Variants in RPGRIP1L observed in about 807,000 individuals in gnomAD.
RPGRIP1L encodes RPGRIP1 like.
In RPGRIP1L, 131 loss-of-function variants were observed where a neutral mutation model predicts 160.4. That is an observed-to-expected ratio of 0.82 (90% CI 0.71 to 0.94). RPGRIP1L has a LOEUF of 0.94. Among genes scored for constraint, RPGRIP1L ranks in the 40% least tolerant of loss-of-function variants. The pLI, the probability that RPGRIP1L is intolerant of heterozygous loss-of-function variation, is 0.00. For synonymous variants in RPGRIP1L, 510 were observed against 515.8 expected (o/e 0.99, Z 0.15); for missense variants, 1,522 against 1,535.8 (o/e 0.99, Z 0.15).
At chr16:53,682,009 T>G (rs1335679207) in intron 6 of RPGRIP1L, among the ~76,000 whole-genome samples, 1 of 152,208 alleles carries the variant, frequency 6.6e-6, no homozygotes, top group Non-Finnish European at 1.5e-5. Context: ...TTTTTTTCAA[T>G]AGTTTTCCAT....
chr16:53,615,474 T>TATA (rs66497510), intron 24 of RPGRIP1L, among the ~76,000 whole-genome samples: 1 of 74,034 alleles, frequency 1.4e-5, no homozygotes, highest in African/African-American at 3.4e-5. Context: ...ATATATATAT[T>TATA]TTTTTTTTTT....
chr16:53,612,297 C>T (rs1205179634), intron 24 of RPGRIP1L, among the ~76,000 whole-genome samples: 1 of 152,072 alleles, frequency 6.6e-6, no homozygotes, highest in Non-Finnish European at 1.5e-5. Flanking sequence ...TGCATGAAAC[C>T]ATATTAGTAA....
chr16:53,627,323 T>A (rs1279077186), intron 22 of RPGRIP1L, among the ~76,000 whole-genome samples: 1 of 152,234 alleles, frequency 6.6e-6, no homozygotes, highest in African/African-American at 2.4e-5. Context: ...GTGAGCTTAA[T>A]TTTATTCCAA....
chr16:53,602,420 C>T (rs538808828), intron 26 of RPGRIP1L, among the ~76,000 whole-genome samples: 117 of 152,096 alleles, frequency 7.7e-4, no homozygotes, highest in Non-Finnish European at 1.4e-3. Context: ...AACTAATAAG[C>T]TAATCCTGAA....
intron 22 of RPGRIP1L, among the ~76,000 whole-genome samples, chr16:53,629,868 CA>C (rs1286755841): frequency 6.6e-6 from 1 of 152,152 alleles, no homozygotes; most frequent in Non-Finnish European, 1.5e-5. Flanking sequence ...GTTCCAATAA[CA>C]GTAGAGGGCT....
Position 53,695,733 on chromosome 16 carries a change from T to C in RPGRIP1L, c.230+418A>G, listed in dbSNP as rs551488128. On this transcript the variant is annotated intron_variant, in intron 3 of 26. Coordinates refer to ENST00000647211, the MANE Select transcript of RPGRIP1L (RefSeq NM_015272.5). Reference sequence around the variant, plus strand: ...AAATATGTTCCAGAGACTGAAGTGATGTTTTCATTAGTAAACCCCAAATCT... The same window carrying C: ...AAATATGTTCCAGAGACTGAAGTGACGTTTTCATTAGTAAACCCCAAATCT... 1.1e-5 allele frequency: 4 copies of C among 372,868 alleles called. No individual in the cohort carries two copies. In the East Asian group the frequency reaches 1.5e-4, roughly 14 times the overall value. 23.1% of individuals were successfully genotyped at this position (372,868 alleles called of 1,614,324 possible).
rs750925640 is a variant in RPGRIP1L at position 53,619,105 on chromosome 16, T to C, written c.3536A>G (p.Tyr1179Cys). ...IQRLFVECRF[Y>C]SLPAEETPVS... Reference sequence around the variant, plus strand: ...GGGTGTCTCTTCAGCAGGAAGACTGTAGAATCGACACTCAACAAACAGCCG... The same window carrying C: ...GGGTGTCTCTTCAGCAGGAAGACTGCAGAATCGACACTCAACAAACAGCCG... The change falls in exon 24 of 27, where the codon TAC becomes TGC. Residue 1179 changes from tyrosine (Y) to cysteine (C), a missense_variant. Transcript: ENST00000647211. 1 of 1,614,068 alleles carries C rather than the reference T, an allele frequency of 6.2e-7. No individual in the cohort carries two copies. Among genetic ancestry groups the C allele is most frequent in the Admixed American group, 1.7e-5 (1 of 60,024 alleles).
intron 23 of RPGRIP1L, among the ~76,000 whole-genome samples, chr16:53,621,451 A>C (rs913370414): frequency 1.6e-4 from 20 of 126,630 alleles, no homozygotes; most frequent in African/African-American, 5.9e-4. Flanking sequence ...TTTTTTTTGG[A>C]TCTCTACACT....
At chr16:53,625,479 G>C (rs1259349957) in intron 22 of RPGRIP1L, among the ~76,000 whole-genome samples, 2 of 146,526 alleles carry the variant, frequency 1.4e-5, no homozygotes, top group African/African-American at 2.6e-5. Flanking sequence ...GGGGGCTGGG[G>C]GGGGCGCGCC....
chr16:53,680,977 G>GTTC, intron 6 of RPGRIP1L, among the ~76,000 whole-genome samples: 1 of 152,304 alleles, frequency 6.6e-6, no homozygotes, highest in South Asian at 2.1e-4. Context: ...ATATGCTAAG[G>GTTC]GGTGAAAGGT....
chr16:53,696,099 C>T, intron 3 of RPGRIP1L, 52 bp downstream of exon 3: 1 of 1,560,580 alleles, frequency 6.4e-7, no homozygotes, highest in Non-Finnish European at 8.8e-7. Flanking sequence ...AATACCATAC[C>T]CTCCAAATTT....
chr16:53,633,024 A>G (rs569723172), intron 22 of RPGRIP1L, among the ~76,000 whole-genome samples: 1 of 152,310 alleles, frequency 6.6e-6, no homozygotes, highest in Non-Finnish European at 1.5e-5. Context: ...TGCCTGACAC[A>G]CGATGGATGC....
intron 3 of RPGRIP1L, chr16:53,695,744 G>C (rs1332472867): frequency 5.6e-6 from 2 of 358,958 alleles, no homozygotes; most frequent in Non-Finnish European, 5.0e-6. Flanking sequence ...GTTTTCATTA[G>C]TAAACCCCAA....
intron 9 of RPGRIP1L, among the ~76,000 whole-genome samples, chr16:53,666,558 G>A (rs1459651616): frequency 7.1e-6 from 1 of 140,592 alleles, no homozygotes; most frequent in Non-Finnish European, 1.5e-5. Context: ...ATGAATGTGA[G>A]TACATCTATG....
chr16:53,690,678 C>CCCAGTT (rs1356701308), intron 4 of RPGRIP1L, among the ~76,000 whole-genome samples: 4 of 152,114 alleles, frequency 2.6e-5, no homozygotes. Context: ...GATCATCTTG[C>CCCAGTT]CCAGTTCCAG....
chr16:53,623,317 GGACT>G (rs1205587979), intron 22 of RPGRIP1L, among the ~76,000 whole-genome samples: 2 of 152,052 alleles, frequency 1.3e-5, no homozygotes, highest in African/African-American at 4.8e-5. Context: ...GTGACAGTAG[GGACT>G]ATTAGATTGC....
rs386833998 is a variant in RPGRIP1L, at chr16:53,686,482, TTTCA to T, written c.723_726del (p.Asn241LysfsTer25). 9 of 1,613,658 alleles carry T rather than the reference TTTCA, an allele frequency of 5.6e-6. No individual in the cohort carries two copies. Among genetic ancestry groups the T allele is most frequent in the Non-Finnish European group, 7.6e-6 (9 of 1,179,762 alleles). On this transcript the variant is annotated frameshift_variant, in exon 6 of 27. Coordinates refer to ENST00000647211, the MANE Select transcript of RPGRIP1L (RefSeq NM_015272.5). LOFTEE classifies it high-confidence loss of function. Reference sequence around the variant, plus strand: ...CGAAGCTGAAGAAGAGATAACTCAATTTCATTTTCTTTTCTCCTCAACTGAGTTT... The same window carrying T: ...CGAAGCTGAAGAAGAGATAACTCAATTTTTCTTTTCTCCTCAACTGAGTTT...
At position 53,598,914 on chromosome 16, in the gene RPGRIP1L, A is replaced by G. The variant is rs1479849946; in HGVS notation, c.*3162T>C. 6.6e-6 allele frequency: 1 copy of G among 152,196 alleles called. No homozygotes were observed. Among genetic ancestry groups the G allele is most frequent in the Non-Finnish European group, 1.5e-5 (1 of 68,028 alleles). The allele number at this position is 152,196 out of a possible 1,614,324, so 9.4% of individuals were successfully genotyped here. A position where few individuals can be genotyped will look rare whatever the true frequency, so the allele number is the denominator to read the frequency against. On this transcript the variant is annotated 3_prime_UTR_variant, in exon 27 of 27. Coordinates refer to ENST00000647211, the MANE Select transcript of RPGRIP1L (RefSeq NM_015272.5). ...TGACATTTTATTCTCATATTTGTTC[A>G]CAGACATGATTCACATTTTTCTATC...
chr16:53,652,214 A>T (rs1009319670), intron 15 of RPGRIP1L, among the ~76,000 whole-genome samples: 2 of 152,132 alleles, frequency 1.3e-5, no homozygotes. Flanking sequence ...CTGGGATTAC[A>T]GGCATGCACC....
Sources: allele counts gnomAD v4.1 joint callset (sites outside exome capture counted in the v4.1 genomes callset), GRCh38; gene constraint gnomAD v4.1.1; transcripts MANE v1.5; gene names NCBI Gene and HGNC (gene_info 2026-07-23, HGNC 2026-07-21).